SCD5: variants seen among roughly 807,000 people sequenced by gnomAD.
The protein encoded by SCD5 is acyl-CoA-desaturase 4.
In SCD5, 20 loss-of-function variants were observed where a neutral mutation model predicts 30.4. That is an observed-to-expected ratio of 0.66 (90% CI 0.46 to 0.96). SCD5 has a LOEUF of 0.96. Among genes scored for constraint, SCD5 ranks in the 40% least tolerant of loss-of-function variants. The probability of loss-of-function intolerance (pLI) is 0.00; values close to 1 mark genes in which losing one functional copy is unlikely to be tolerated. For synonymous variants in SCD5, 173 were observed against 176.4 expected (o/e 0.98, Z 0.16); for missense variants, 381 against 443.3 (o/e 0.86, Z 1.26).
intron 3 of SCD5, among the ~76,000 whole-genome samples, chr4:82,669,799 C>T (rs1304315083): frequency 1.3e-5 from 2 of 152,160 alleles, no homozygotes; most frequent in Non-Finnish European, 2.9e-5. Flanking sequence ...GACCTACCTT[C>T]GGGAGAAACT....
rs1394840973 is a variant in SCD5, at chr4:82,631,001, C to T, written c.*326G>A. On this transcript the variant is annotated 3_prime_UTR_variant, in exon 5 of 5. Transcript: ENST00000319540. ...TGGCAGGCTCCTGTAATCTCAGCTA[C>T]TCAGGAGGCTGAGGCAGGAGAATTG... is the stretch of plus-strand genomic sequence containing the variant. The T allele has an allele frequency of 5.7e-6, 1 of 174,188 alleles. No individual in the cohort carries two copies. The highest frequency in any genetic ancestry group is 1.2e-5 in the Non-Finnish European group (1 of 82,836). 10.8% of individuals were successfully genotyped at this position (174,188 alleles called of 1,614,324 possible).
At chr4:82,751,433 T>C (rs1403075292) in intron 1 of SCD5, among the ~76,000 whole-genome samples, 2 of 152,222 alleles carry the variant, frequency 1.3e-5, no homozygotes, top group African/African-American at 2.4e-5. Flanking sequence ...GGCCTGCATA[T>C]TGATATTGCT....
At chr4:82,730,640 C>T (rs1215318449) in intron 1 of SCD5, among the ~76,000 whole-genome samples, 17 of 137,468 alleles carry the variant, frequency 1.2e-4, no homozygotes, top group African/African-American at 2.0e-4. Flanking sequence ...GGCTGGAGTG[C>T]AGTGGCGGGA....
At chr4:82,695,000 G>GAGTTTTTTT (rs1719666656) in intron 2 of SCD5, among the ~76,000 whole-genome samples, 1 of 142,496 alleles carries the variant, frequency 7.0e-6, no homozygotes, top group Admixed American at 6.9e-5. Context: ...AGTACAGGTA[G>GAGTTTTTTT]CCTGGGGACC....
rs182210460 is a variant in SCD5 at position 82,682,761 on chromosome 4, A to G, written c.364-1849T>C. Among the ~76,000 whole-genome samples, 1,255 of 152,076 alleles carry G rather than the reference A, an allele frequency of 8.3e-3. 15 individuals carry two copies. The highest frequency in any genetic ancestry group is 0.029 in the African/African-American group (1,194 of 41,458). ...CCGTCTGGGCTCAAGTGATCCTCCCACCTCAGTCTCCCAAGTAGCTGGGAC... is the reference window on the plus strand; with the variant it reads ...CCGTCTGGGCTCAAGTGATCCTCCCGCCTCAGTCTCCCAAGTAGCTGGGAC... On this transcript the variant is annotated intron_variant, in intron 2 of 4. Coordinates refer to ENST00000319540, the MANE Select transcript of SCD5 (RefSeq NM_001037582.3).
chr4:82,727,990 TGAGCCA>T (rs1720544111), intron 1 of SCD5, among the ~76,000 whole-genome samples: 1 of 152,214 alleles, frequency 6.6e-6, no homozygotes, highest in Non-Finnish European at 1.5e-5. Flanking sequence ...ATTACAGGCA[TGAGCCA>T]CCATGCCCCA....
chr4:82,741,216 G>A (rs748319606), intron 1 of SCD5, among the ~76,000 whole-genome samples: 16 of 152,002 alleles, frequency 1.1e-4, no homozygotes, highest in South Asian at 2.1e-4. Flanking sequence ...GGGATTACAG[G>A]CATGAACCAC....
intron 1 of SCD5, among the ~76,000 whole-genome samples, chr4:82,742,260 G>C (rs1333048223): frequency 6.6e-6 from 1 of 152,150 alleles, no homozygotes; most frequent in African/African-American, 2.4e-5. Context: ...CAGCAGGCTA[G>C]AGGGGCATGC....
chr4:82,788,763 T>C (rs190635981), intron 1 of SCD5, among the ~76,000 whole-genome samples: 89 of 152,262 alleles, frequency 5.8e-4, no homozygotes, highest in African/African-American at 2.0e-3. Context: ...TTGTCTCTGA[T>C]AAAATGAAAC....
At chr4:82,678,207 T>C (rs1728476419) in intron 3 of SCD5, among the ~76,000 whole-genome samples, 1 of 152,154 alleles carries the variant, frequency 6.6e-6, no homozygotes, top group South Asian at 2.1e-4. Context: ...ATGAATGGTT[T>C]CTGATAGCCA....
chr4:82,760,005 C>T (rs1453815063), intron 1 of SCD5, among the ~76,000 whole-genome samples: 5 of 152,104 alleles, frequency 3.3e-5, no homozygotes, highest in Non-Finnish European at 5.9e-5. Flanking sequence ...CCATTCTACC[C>T]ATCACTTTCT....
intron 3 of SCD5, chr4:82,660,780 C>T (rs779174143): frequency 1.1e-5 from 18 of 1,590,226 alleles, no homozygotes; most frequent in Non-Finnish European, 1.5e-5. Context: ...TCTGTCTATG[C>T]TTCACACCGT....
At chr4:82,678,681 G>T (rs1728487429) in intron 3 of SCD5, among the ~76,000 whole-genome samples, 1 of 152,130 alleles carries the variant, frequency 6.6e-6, no homozygotes, top group African/African-American at 2.4e-5. Context: ...ACAATCTGAG[G>T]TAAAGGGTGA....
In SCD5 at chr4:82,630,534, TC is replaced by T. The variant is rs1189622807; in HGVS notation, c.*792del. 1.3e-5 allele frequency: 2 copies of T among 152,240 alleles called. No homozygotes were observed. The highest frequency in any genetic ancestry group is 2.9e-5 in the Non-Finnish European group (2 of 68,042). The allele number at this position is 152,240 out of a possible 1,614,324, so 9.4% of individuals were successfully genotyped here. On this transcript the variant is annotated 3_prime_UTR_variant, in exon 5 of 5. Coordinates refer to ENST00000319540, the MANE Select transcript of SCD5 (RefSeq NM_001037582.3). Reference sequence around the variant, plus strand: ...GAACTACACTGAAAGAATATTACTTTCCTTCATCCTGTCAGGGTTAGCATCA... The same window carrying T: ...GAACTACACTGAAAGAATATTACTTTCTTCATCCTGTCAGGGTTAGCATCA...
At chr4:82,668,738 C>G (rs1728243477) in intron 3 of SCD5, among the ~76,000 whole-genome samples, 1 of 152,152 alleles carries the variant, frequency 6.6e-6, no homozygotes, top group African/African-American at 2.4e-5. Context: ...CAGTATTTTA[C>G]CTGAGTAAAA....
At chr4:82,798,022 C>T (rs1280318620) in intron 1 of SCD5, among the ~76,000 whole-genome samples, 1 of 151,726 alleles carries the variant, frequency 6.6e-6, no homozygotes, top group Non-Finnish European at 1.5e-5. Context: ...TCCGGGTCCC[C>T]CCCGGCTCTC....
intron 1 of SCD5, among the ~76,000 whole-genome samples, chr4:82,730,984 C>T (rs550727095): frequency 2.0e-5 from 3 of 152,266 alleles, no homozygotes; most frequent in South Asian, 4.1e-4. Flanking sequence ...CAAAACAAGT[C>T]GAAACTTCCT....
rs1448172295 is a variant in SCD5 at position 82,759,112 on chromosome 4, C to A, written c.232+39194G>T. ...TCTACAGCCCCAGCACTTCCCTCAA[C>A]CTGTCTTTTGCGACTGAGCCTGACT... On this transcript the variant is annotated intron_variant, in intron 1 of 4. Transcript: ENST00000319540. 2.0e-5 allele frequency among the ~76,000 whole-genome samples: 3 copies of A among 152,252 alleles called. No homozygotes were observed. The East Asian group carries it at 5.8e-4, about 29-fold the overall frequency.
At chr4:82,721,583 T>C (rs1393717342) in intron 1 of SCD5, among the ~76,000 whole-genome samples, 1 of 152,102 alleles carries the variant, frequency 6.6e-6, no homozygotes, top group Admixed American at 6.5e-5. Flanking sequence ...GATGTCCTCA[T>C]AGGAAGAGGA....
Sources: gnomAD v4.1 joint callset for allele counts (sites outside exome capture counted in the v4.1 genomes callset) on GRCh38, gnomAD v4.1.1 for gene constraint, MANE v1.5 for transcripts, NCBI Gene and HGNC (gene_info 2026-07-23, HGNC 2026-07-21) for gene names.